Variants in NDUFA10 observed in about 807,000 individuals in gnomAD.
NDUFA10 encodes the protein NADH dehydrogenase [ubiquinone] 1 alpha subcomplex subunit 10, mitochondrial.
A neutral mutation model predicts 47.8 loss-of-function variants in NDUFA10; 40 were observed. The ratio of observed to expected loss-of-function variants is 0.84; its 90% CI spans 0.65 to 1.09. The LOEUF is 1.09. Among genes scored for constraint, NDUFA10 ranks in the 50% least tolerant of loss-of-function variants. The pLI, the probability that NDUFA10 is intolerant of heterozygous loss-of-function variation, is 0.00. For synonymous variants in NDUFA10, 183 were observed against 172.2 expected (o/e 1.06, Z -0.49); for missense variants, 413 against 451.1 (o/e 0.92, Z 0.76).
chr2:240,011,220 T>TCA (rs1184453232), intron 6 of NDUFA10, among the ~76,000 whole-genome samples: 1 of 152,254 alleles, frequency 6.6e-6, no homozygotes, highest in African/African-American at 2.4e-5. Context: ...GAGAAAGTGT[T>TCA]ATCTTTCATG....
At chr2:239,979,915 C>G (rs897629605) in intron 9 of NDUFA10, among the ~76,000 whole-genome samples, 2 of 152,120 alleles carry the variant, frequency 1.3e-5, no homozygotes, top group Admixed American at 1.3e-4. Flanking sequence ...CCATGACGGG[C>G]TCTTCTCTAG....
intron 4 of NDUFA10, among the ~76,000 whole-genome samples, chr2:239,908,365 G>A (rs1693693264): frequency 6.6e-6 from 1 of 152,182 alleles, no homozygotes; most frequent in South Asian, 2.1e-4. Context: ...CCTGCACATT[G>A]TGCACATGTA....
intron 4 of NDUFA10, among the ~76,000 whole-genome samples, chr2:240,017,236 G>A (rs1304504571): frequency 6.6e-6 from 1 of 152,176 alleles, no homozygotes; most frequent in Non-Finnish European, 1.5e-5. Flanking sequence ...CAGAAGCCAA[G>A]CATCCTCGCC....
chr2:240,017,922 C>T (rs1697431501), intron 4 of NDUFA10: 5 of 1,552,092 alleles, frequency 3.2e-6, no homozygotes, highest in Non-Finnish European at 4.4e-6. Context: ...ATGAAAATGC[C>T]GTCAGTCAGA....
chr2:239,897,561 T>C (rs1339708847), intron 4 of NDUFA10, among the ~76,000 whole-genome samples: 1 of 152,166 alleles, frequency 6.6e-6, no homozygotes, highest in African/African-American at 2.4e-5. Context: ...TATTGACAAG[T>C]GTCTGTTATA....
intron 4 of NDUFA10, among the ~76,000 whole-genome samples, chr2:239,948,193 C>A (rs1181089188): frequency 6.6e-6 from 1 of 152,244 alleles, no homozygotes; most frequent in East Asian, 1.9e-4. Context: ...GCTAGAACCT[C>A]CTGGGCCCTG....
intron 4 of NDUFA10, among the ~76,000 whole-genome samples, chr2:239,926,574 A>G (rs1694069245): frequency 6.6e-6 from 1 of 151,760 alleles, no homozygotes; most frequent in Admixed American, 6.6e-5. Flanking sequence ...TTAGTACACT[A>G]TACTTTTTAT....
intron 9 of NDUFA10, among the ~76,000 whole-genome samples, chr2:239,975,941 C>T (rs747103805): frequency 3.9e-5 from 6 of 152,168 alleles, no homozygotes; most frequent in Admixed American, 6.5e-5. Context: ...TCATCTTAAC[C>T]ATCACTCCAC....
At chr2:239,935,572 A>C (rs1448419407) in intron 4 of NDUFA10, among the ~76,000 whole-genome samples, 3 of 152,178 alleles carry the variant, frequency 2.0e-5, no homozygotes, top group Non-Finnish European at 4.4e-5. Flanking sequence ...TGACATAACG[A>C]TAGTGATGAC....
At chr2:239,923,313 T>C (rs565720226) in intron 4 of NDUFA10, among the ~76,000 whole-genome samples, 8 of 152,166 alleles carry the variant, frequency 5.3e-5, no homozygotes, top group Non-Finnish European at 1.2e-4. Context: ...AAGTATCTAA[T>C]ATTCTAGACT....
At chr2:239,914,516 G>A (rs1053911163) in intron 4 of NDUFA10, among the ~76,000 whole-genome samples, 3 of 134,942 alleles carry the variant, frequency 2.2e-5, no homozygotes, top group African/African-American at 8.6e-5. Context: ...CATACACACA[G>A]AACACACACA....
intron 4 of NDUFA10, among the ~76,000 whole-genome samples, chr2:240,015,253 C>T (rs546565642): frequency 8.5e-5 from 13 of 152,372 alleles, no homozygotes; most frequent in African/African-American, 2.9e-4. Context: ...TAAGGGTTCA[C>T]TTTTGCTCCT....
At chr2:239,956,948 C>G (rs755706940), downstream of NDUFA10, among the ~76,000 whole-genome samples, 1 of 152,190 alleles carries the variant, frequency 6.6e-6, no homozygotes, top group South Asian at 2.1e-4. Context: ...CTCTCCCTGA[C>G]GCGTGTGGAG....
rs957307322 is a variant in NDUFA10, at chr2:239,971,722, A to T, written c.1000-10536T>A. Among the ~76,000 whole-genome samples, 5 of 152,320 alleles carry T rather than the reference A, an allele frequency of 3.3e-5. No homozygotes were observed. The East Asian group carries it at 9.6e-4, about 29-fold the overall frequency. On this transcript the variant is annotated intron_variant, in intron 9 of 9. Coordinates refer to ENST00000252711, the MANE Select transcript of NDUFA10 (RefSeq NM_004544.4). Reference sequence around the variant, plus strand: ...AAAGTGGAGCCCCGATCTTTTAATGATCAAGTCCAGGATCTTTTTCCCACT... The same window carrying T: ...AAAGTGGAGCCCCGATCTTTTAATGTTCAAGTCCAGGATCTTTTTCCCACT...
chr2:239,913,379 C>T (rs1470361449), intron 4 of NDUFA10, among the ~76,000 whole-genome samples: 1 of 152,254 alleles, frequency 6.6e-6, no homozygotes, highest in Non-Finnish European at 1.5e-5. Flanking sequence ...AACCTGAGGA[C>T]ATGACGGGTC....
intron 4 of NDUFA10, among the ~76,000 whole-genome samples, chr2:239,901,449 G>C (rs1043586431): frequency 2.6e-5 from 4 of 151,988 alleles, no homozygotes; most frequent in Non-Finnish European, 5.9e-5. Flanking sequence ...TAAGCCCACT[G>C]TTGTGACCTA....
chr2:239,939,424 T>A (rs901596427), intron 4 of NDUFA10, among the ~76,000 whole-genome samples: 1 of 152,232 alleles, frequency 6.6e-6, no homozygotes, highest in African/African-American at 2.4e-5. Flanking sequence ...GTGAGGCAGC[T>A]GCAGTGGAAA....
At chr2:240,007,278 T>C in intron 7 of NDUFA10, 38 bp downstream of exon 7, 1 of 1,459,886 alleles carries the variant, frequency 6.8e-7, no homozygotes, top group Non-Finnish European at 9.6e-7. Flanking sequence ...ATGAATCAAA[T>C]GTAGGAATAA....
In NDUFA10 at chr2:239,987,840, G is replaced by A. The variant is rs758554818; in HGVS notation, c.999+2234C>T. 1.3e-5 allele frequency among the ~76,000 whole-genome samples: 2 copies of A among 152,282 alleles called. No homozygotes were observed. Among genetic ancestry groups the A allele is most frequent in the Admixed American group, 1.3e-4 (2 of 15,302 alleles). On this transcript the variant is annotated intron_variant, in intron 9 of 9. Coordinates refer to ENST00000252711, the MANE Select transcript of NDUFA10 (RefSeq NM_004544.4). The surrounding 1 kb of genome is among the most constrained non-coding windows in gnomAD (Gnocchi z 4.8). ...ACGACCGAGATCATGCAAAACATGC[G>A]AGTGGGTACTCTGCTCTGGAACTGG... is the stretch of plus-strand genomic sequence containing the variant.
Sources: allele counts gnomAD v4.1 joint callset (sites outside exome capture counted in the v4.1 genomes callset), GRCh38; gene constraint gnomAD v4.1.1; non-coding constraint Gnocchi (gnomAD v3.1); transcripts MANE v1.5; gene names NCBI Gene and HGNC (gene_info 2026-07-23, HGNC 2026-07-21).